Variants in GATA4 observed in about 807,000 individuals in gnomAD.
GATA4 encodes GATA binding protein 4, also known as transcription factor GATA-4.
Under a neutral mutation model 37.9 loss-of-function variants are expected in GATA4, and 7 were observed. The observed-to-expected ratio is 0.18, with a 90% CI of 0.11 to 0.35. The LOEUF (loss-of-function observed/expected upper bound fraction) is 0.35. Ranked by LOEUF, GATA4 falls within the 10% of genes least tolerant of loss-of-function variation. The probability of loss-of-function intolerance (pLI) is 1.00; values close to 1 mark genes in which losing one functional copy is unlikely to be tolerated. For missense variants in GATA4, 647 were observed against 653.0 expected (o/e 0.99, Z 0.10); for synonymous variants, 372 against 292.6 (o/e 1.27, Z -2.77).
chr8:11,743,153 C>G (rs1801842899), intron 2 of GATA4, among the ~76,000 whole-genome samples: 1 of 152,266 alleles, frequency 6.6e-6, no homozygotes, highest in Non-Finnish European at 1.5e-5. Context: ...CTGGGCACCA[C>G]TGTGAGGCCC....
At chr8:11,739,883 A>C (rs1445532984) in intron 2 of GATA4, among the ~76,000 whole-genome samples, 1 of 152,194 alleles carries the variant, frequency 6.6e-6, no homozygotes, top group Non-Finnish European at 1.5e-5. Context: ...GCCCAGACCC[A>C]GCTTGCAGGT....
chr8:11,699,370 T>A (rs866976842), upstream of GATA4, among the ~76,000 whole-genome samples: 6 of 152,246 alleles, frequency 3.9e-5, no homozygotes, highest in Middle Eastern at 3.4e-3. Flanking sequence ...TGTGAAAGAA[T>A]TGGGGCCTGT....
Position 11,707,843 on chromosome 8 carries a change from G to A in GATA4, c.-457-13G>A, listed in dbSNP as rs528245399. 13 of 228,816 alleles carry A rather than the reference G, an allele frequency of 5.7e-5. 1 individual carries two copies. The South Asian group carries it at 6.4e-4, about 11-fold the overall frequency. 14.2% of individuals were successfully genotyped at this position (228,816 alleles called of 1,614,324 possible). On this transcript the variant is annotated splice_polypyrimidine_tract_variant and intron_variant, in intron 1 of 6. Transcript: ENST00000532059. The surrounding 1 kb of genome is among the most constrained non-coding windows in gnomAD (Gnocchi z 4.7). ...ATGAACCACCCTCTCTCTTTCTGTCGTTCCTCTTTTAGGACCCCGGCTGCG... is the reference window on the plus strand; with the variant it reads ...ATGAACCACCCTCTCTCTTTCTGTCATTCCTCTTTTAGGACCCCGGCTGCG...
intron 5 of GATA4, chr8:11,756,705 A>G (rs1156696835): frequency 1.2e-5 from 7 of 593,276 alleles, no homozygotes; most frequent in Admixed American, 3.0e-5. Flanking sequence ...CTTTTTTTAA[A>G]AAGTTTTGAA....
At chr8:11,740,859 G>C (rs895042221) in intron 2 of GATA4, among the ~76,000 whole-genome samples, 2 of 151,680 alleles carry the variant, frequency 1.3e-5, no homozygotes, top group East Asian at 3.9e-4. Flanking sequence ...TCAGCCTCCC[G>C]AGTAGCTGGA....
At chr8:11,750,687 C>G (rs1457244867) in intron 4 of GATA4, among the ~76,000 whole-genome samples, 5 of 148,608 alleles carry the variant, frequency 3.4e-5, no homozygotes, top group Admixed American at 6.8e-5. Context: ...AATTGCAGCA[C>G]TTTGGGAGGC....
intron 1 of GATA4, among the ~76,000 whole-genome samples, chr8:11,678,332 G>T (rs189350381): frequency 2.4e-4 from 37 of 152,246 alleles, no homozygotes; most frequent in African/African-American, 7.5e-4. Flanking sequence ...ACAGAAAATT[G>T]TTCCCTTTGA....
At chr8:11,693,548 CACACACACACACACAGAG>C (rs1323726793) in intron 1 of GATA4, among the ~76,000 whole-genome samples, 14 of 116,054 alleles carry the variant, frequency 1.2e-4, no homozygotes, top group African/African-American at 3.7e-4. Context: ...CACACACACA[CACACACACACACACAGAG>C]AGAGAGAGAG....
intron 2 of GATA4, among the ~76,000 whole-genome samples, chr8:11,710,222 C>T (rs145592353): frequency 2.4e-4 from 36 of 152,266 alleles, no homozygotes; most frequent in African/African-American, 8.4e-4. Context: ...CGCCGAGGCC[C>T]GGTCTGTGGC....
At chr8:11,690,545 A>T (rs1799276796), upstream of GATA4, among the ~76,000 whole-genome samples, 1 of 152,076 alleles carries the variant, frequency 6.6e-6, no homozygotes, top group Non-Finnish European at 1.5e-5. Flanking sequence ...TGGAATAAGG[A>T]TGGAAATTAA....
chr8:11,704,700 C>G (rs1420469513), intron 1 of GATA4, among the ~76,000 whole-genome samples: 1 of 152,220 alleles, frequency 6.6e-6, no homozygotes, highest in Non-Finnish European at 1.5e-5. Context: ...GCAGCTCGCA[C>G]ATGGAGGGAA....
At position 11,749,127 on chromosome 8, in the gene GATA4, G is replaced by T. The variant is rs371868286; in HGVS notation, c.786+42G>T. The T allele has an allele frequency of 6.2e-7, 1 of 1,605,554 alleles. No homozygotes were observed. Among genetic ancestry groups the T allele is most frequent in the Non-Finnish European group, 8.5e-7 (1 of 1,174,898 alleles). On this transcript the variant is annotated intron_variant, in intron 3 of 6. Coordinates refer to ENST00000532059, the MANE Select transcript of GATA4 (RefSeq NM_001308093.3). The surrounding 1 kb of genome is among the most constrained non-coding windows in gnomAD (Gnocchi z 4.6). ...CAGCCTCCTCTGGGCACCTGGCTGC[G>T]GAGCTCTCGCCTTGGTGGGACATCC...
chr8:11,701,057 A>G (rs1799658126), upstream of GATA4, among the ~76,000 whole-genome samples: 1 of 152,172 alleles, frequency 6.6e-6, no homozygotes, highest in Non-Finnish European at 1.5e-5. Context: ...TGTACACAAT[A>G]CGCAGCGTAC....
At chr8:11,689,331 G>C (rs572059322), upstream of GATA4, among the ~76,000 whole-genome samples, 5 of 152,176 alleles carry the variant, frequency 3.3e-5, no homozygotes, top group African/African-American at 1.2e-4. Context: ...CTTATACATA[G>C]AGTGACCACA....
In GATA4 at chr8:11,749,317, A is replaced by G. The variant is rs1802180305; in HGVS notation, c.786+232A>G. ...AGAAACTGAAAGTGAGGCTCAGAAAAGCTAGTGGCCTTGCCCACAGCCACT... is the reference window on the plus strand; with the variant it reads ...AGAAACTGAAAGTGAGGCTCAGAAAGGCTAGTGGCCTTGCCCACAGCCACT... On this transcript the variant is annotated intron_variant, in intron 3 of 6. Coordinates refer to ENST00000532059, the MANE Select transcript of GATA4 (RefSeq NM_001308093.3). The surrounding 1 kb of genome is among the most constrained non-coding windows in gnomAD (Gnocchi z 4.6). Among the ~76,000 whole-genome samples, 1 of 152,234 alleles carries G rather than the reference A, an allele frequency of 6.6e-6. No homozygotes were observed. The highest frequency in any genetic ancestry group is 2.4e-5 in the African/African-American group (1 of 41,464).
intron 2 of GATA4, among the ~76,000 whole-genome samples, chr8:11,742,762 G>A (rs770403678): frequency 3.3e-5 from 5 of 152,258 alleles, no homozygotes; most frequent in Non-Finnish European, 4.4e-5. Flanking sequence ...GGCTTTGTTT[G>A]GGCCTCGTGC....
intron 1 of GATA4, chr8:11,697,529 TGGTCGTGGA>T: frequency 3.1e-6 from 3 of 982,962 alleles, no homozygotes; most frequent in Non-Finnish European, 3.6e-6. Context: ...GAGGGAGAGG[TGGTCGTGGA>T]GGCCACTTTC....
chr8:11,678,378 A>AG (rs571272947), intron 1 of GATA4, among the ~76,000 whole-genome samples: 14 of 152,160 alleles, frequency 9.2e-5, no homozygotes, highest in Non-Finnish European at 1.8e-4. Flanking sequence ...ACCGGCTTCC[A>AG]GGGGGTGATT....
intron 1 of GATA4, among the ~76,000 whole-genome samples, chr8:11,695,452 T>G (rs1028558675): frequency 6.6e-6 from 1 of 152,200 alleles, no homozygotes; most frequent in Admixed American, 6.5e-5. Flanking sequence ...TAATGGGTTC[T>G]GCAGAACGAT....
Sources: allele counts gnomAD v4.1 joint callset (sites outside exome capture counted in the v4.1 genomes callset), GRCh38; gene constraint gnomAD v4.1.1; non-coding constraint Gnocchi (gnomAD v3.1); transcripts MANE v1.5; gene names NCBI Gene and HGNC (gene_info 2026-07-23, HGNC 2026-07-21).